The following LRMDA variants were observed in gnomAD, a reference collection of about 807,000 sequenced individuals.
The protein encoded by LRMDA is leucine rich melanocyte differentiation associated, also known as leucine-rich melanocyte differentiation-associated protein.
In LRMDA, 18 loss-of-function variants were observed where a neutral mutation model predicts 29.8. The observed-to-expected ratio is 0.60, with a 90% CI of 0.42 to 0.90. The LOEUF (loss-of-function observed/expected upper bound fraction) is 0.90, where lower values mean the gene tolerates loss of function less well. Among genes scored for constraint, LRMDA ranks in the 40% least tolerant of loss-of-function variants. The pLI is 0.00. For synonymous variants in LRMDA, 125 were observed against 109.4 expected (o/e 1.14, Z -0.89); for missense variants, 273 against 273.9 (o/e 1.00, Z 0.02).
At chr10:75,876,236 G>T (rs1422226544) in intron 2 of LRMDA, among the ~76,000 whole-genome samples, 1 of 152,186 alleles carries the variant, frequency 6.6e-6, no homozygotes, top group Non-Finnish European at 1.5e-5. Context: ...CTAAGGAATT[G>T]GAATCCTTCT....
chr10:76,091,469 T>C (rs1849231465), intron 5 of LRMDA, among the ~76,000 whole-genome samples: 1 of 152,350 alleles, frequency 6.6e-6, no homozygotes, highest in East Asian at 1.9e-4. Context: ...ATGTCTTTAA[T>C]TGAAGGATCA....
chr10:75,654,870 C>T (rs979507801), intron 2 of LRMDA, among the ~76,000 whole-genome samples: 1 of 152,134 alleles, frequency 6.6e-6, no homozygotes, highest in African/African-American at 2.4e-5. Flanking sequence ...CCTTACAGCT[C>T]AAGGATTTGA....
intron 2 of LRMDA, among the ~76,000 whole-genome samples, chr10:75,831,571 G>A (rs903585405): frequency 6.6e-6 from 1 of 152,176 alleles, no homozygotes; most frequent in Non-Finnish European, 1.5e-5. Flanking sequence ...CCATTCTGGG[G>A]TCTGGAGGCT....
intron 2 of LRMDA, among the ~76,000 whole-genome samples, chr10:75,697,215 G>A (rs1842246110): frequency 6.6e-6 from 1 of 152,130 alleles, no homozygotes; most frequent in South Asian, 2.1e-4. Context: ...TTAAGAGTGT[G>A]AGGGATATAG....
At chr10:75,673,209 G>C (rs1485257443) in intron 2 of LRMDA, among the ~76,000 whole-genome samples, 4 of 152,108 alleles carry the variant, frequency 2.6e-5, no homozygotes, top group Non-Finnish European at 5.9e-5. Flanking sequence ...CAAGTGGGCT[G>C]TGGGGTTGAA....
intron 5 of LRMDA, among the ~76,000 whole-genome samples, chr10:76,132,646 G>A (rs1850013359): frequency 6.6e-6 from 1 of 152,154 alleles, no homozygotes; most frequent in East Asian, 1.9e-4. Flanking sequence ...AGTTTTGTGG[G>A]AGCGTGTATG....
chr10:76,079,388 C>T (rs1173676500), intron 5 of LRMDA, among the ~76,000 whole-genome samples: 1 of 152,178 alleles, frequency 6.6e-6, no homozygotes, highest in East Asian at 1.9e-4. Flanking sequence ...TGCATGTCAT[C>T]TGCCTCCCTC....
chr10:76,295,837 A>G (rs1840404983), intron 5 of LRMDA, among the ~76,000 whole-genome samples: 1 of 152,038 alleles, frequency 6.6e-6, no homozygotes, highest in African/African-American at 2.4e-5. Context: ...GCTCAGCTCA[A>G]TTCCATTTCC....
At position 75,981,771 on chromosome 10, in the gene LRMDA, G is replaced by A. The variant is rs192015698; in HGVS notation, c.132-54237G>A. On this transcript the variant is annotated intron_variant, in intron 2 of 6. Coordinates refer to ENST00000611255, the MANE Select transcript of LRMDA (RefSeq NM_001305581.2). ...GGAGGCTGAGGCAGGAGAATCACTC[G>A]AACGTGGGAAGTGGAGGTTGCAGTG... Among the ~76,000 whole-genome samples the A allele has an allele frequency of 2.7e-4, 41 of 150,934 alleles. 1 individual carries two copies. Among genetic ancestry groups the A allele is most frequent in the East Asian group, 2.4e-3 (12 of 5,104 alleles).
chr10:75,970,598 T>C (rs1314172326), intron 2 of LRMDA, among the ~76,000 whole-genome samples: 1 of 152,128 alleles, frequency 6.6e-6, no homozygotes, highest in African/African-American at 2.4e-5. Flanking sequence ...GCTTATGGGA[T>C]TGTATTCTAG....
intron 2 of LRMDA, among the ~76,000 whole-genome samples, chr10:75,521,890 A>G (rs2099130185): frequency 6.6e-6 from 1 of 152,270 alleles, no homozygotes; most frequent in African/African-American, 2.4e-5. Flanking sequence ...AGCAAAGGAA[A>G]GCTAGAAGGA....
chr10:75,584,043 C>T (rs55667460), intron 2 of LRMDA, among the ~76,000 whole-genome samples: 1,965 of 152,224 alleles, frequency 0.013, 34 homozygotes, highest in African/African-American at 0.044. Context: ...TCACGTGGTT[C>T]GCAAGGACCT....
chr10:76,346,472 TACTCTGTCACTGTTGAGGAA>T (rs1400372162), intron 6 of LRMDA: 2 of 152,194 alleles, frequency 1.3e-5, no homozygotes, highest in Non-Finnish European at 2.9e-5. Context: ...AAACTTGCTG[TACTCTGTCACTGTTGAGGAA>T]TGGGACATTC....
chr10:75,754,314 T>A (rs1296731456), intron 2 of LRMDA, among the ~76,000 whole-genome samples: 1 of 152,238 alleles, frequency 6.6e-6, no homozygotes, highest in Non-Finnish European at 1.5e-5. Context: ...GTAGCCAGGA[T>A]GCCATGTTGA....
chr10:76,247,207 G>T (rs1369054468), intron 5 of LRMDA, among the ~76,000 whole-genome samples: 2 of 152,152 alleles, frequency 1.3e-5, no homozygotes, highest in Non-Finnish European at 1.5e-5. Context: ...TGTTTATGGG[G>T]TTAAAATACA....
At chr10:75,575,109 A>G (rs1840487136) in intron 2 of LRMDA, among the ~76,000 whole-genome samples, 2 of 152,062 alleles carry the variant, frequency 1.3e-5, no homozygotes, top group South Asian at 4.2e-4. Context: ...TCTCATGAGA[A>G]CTCACTATGG....
intron 5 of LRMDA, among the ~76,000 whole-genome samples, chr10:76,060,111 G>A (rs1848680671): frequency 6.6e-6 from 1 of 152,232 alleles, no homozygotes; most frequent in Non-Finnish European, 1.5e-5. Flanking sequence ...AAACAGTCCA[G>A]AGATAGCCAG....
chr10:76,365,619 G>T (rs912801064), intron 6 of LRMDA, among the ~76,000 whole-genome samples: 4 of 152,084 alleles, frequency 2.6e-5, no homozygotes, highest in African/African-American at 9.7e-5. Context: ...TGATTTGTTT[G>T]AGTTCGTTGT....
At chr10:76,182,648 G>C (rs923959482) in intron 5 of LRMDA, among the ~76,000 whole-genome samples, 4 of 152,142 alleles carry the variant, frequency 2.6e-5, no homozygotes, top group Non-Finnish European at 5.9e-5. Context: ...GCACACTGTA[G>C]ACAGGGTACA....
Sources: gnomAD v4.1 joint callset for allele counts (sites outside exome capture counted in the v4.1 genomes callset) on GRCh38, gnomAD v4.1.1 for gene constraint, MANE v1.5 for transcripts, NCBI Gene and HGNC (gene_info 2026-07-23, HGNC 2026-07-21) for gene names.